UCP1: variants seen among roughly 807,000 people sequenced by gnomAD.
The protein encoded by UCP1 is uncoupling protein 1.
A neutral mutation model predicts 26.2 loss-of-function variants in UCP1; 24 were observed. The observed-to-expected ratio is 0.92, with a 90% CI of 0.66 to 1.29. The LOEUF (loss-of-function observed/expected upper bound fraction) is 1.29. UCP1 is among the 50% of genes most tolerant of loss of function. UCP1 has a pLI of 0.00. For synonymous variants in UCP1, 164 were observed against 156.8 expected (o/e 1.05, Z -0.34); for missense variants, 402 against 388.7 (o/e 1.03, Z -0.29).
At chr4:140,563,629 A>T (rs1436124686) in intron 2 of UCP1, 111 bp from the exon 3 acceptor site, 36 of 969,086 alleles carry the variant, frequency 3.7e-5, no homozygotes, top group African/African-American at 2.4e-4. Flanking sequence ...TTTTTTTGAG[A>T]TGGAGTCTTG....
chr4:140,562,455 A>G, intron 4 of UCP1, 82 bp from the exon 5 acceptor site: 1 of 1,399,328 alleles, frequency 7.1e-7, no homozygotes, highest in Non-Finnish European at 1.0e-6. Context: ...TTATAAACCT[A>G]TTGATAACAG....
Position 140,562,303 on chromosome 4 carries a change from CA to C in UCP1, c.698del (p.Val233GlyfsTer3). 1 of 1,614,074 alleles carries C rather than the reference CA, an allele frequency of 6.2e-7. No individual in the cohort carries two copies. Among genetic ancestry groups the C allele is most frequent in the Non-Finnish European group, 8.5e-7 (1 of 1,180,006 alleles). On this transcript the variant is annotated frameshift_variant, in exon 5 of 6. Transcript: ENST00000262999. LOFTEE classifies it high-confidence loss of function. The stretch of plus-strand genomic sequence containing the variant: ...TAATAAATCTGGTTTTTACTACATC[CA>C]CCGGGGAGGACATAGCTGTTGCGCA... ...GFCATAMSSPVDVVKTRFINS... is the reference protein window; with the variant it reads ...GFCATAMSSPXDVVKTRFINS...
In UCP1 at chr4:140,562,301, T is replaced by A. The variant is rs960414946; in HGVS notation, c.701A>T (p.Asp234Val). ...FCATAMSSPV[D>V]VVKTRFINSP... ...ATTAATAAATCTGGTTTTTACTACA[T>A]CCACCGGGGAGGACATAGCTGTTGC... Residue 234 changes from aspartate to valine, a missense_variant, in exon 5 of 6, where the codon GAT (aspartate) becomes GTT (valine). Physicochemically the swap from Asp to Val is radical, Grantham distance 152 (BLOSUM62 -3). Transcript: ENST00000262999. The A allele has an allele frequency of 1.9e-6, 3 of 1,614,062 alleles. No individual in the cohort carries two copies. Among genetic ancestry groups the A allele is most frequent in the Non-Finnish European group, 2.5e-6 (3 of 1,179,998 alleles).
chr4:140,567,980 G>A lies in UCP1; in HGVS notation c.127-3C>T, dbSNP rs757281042. 3.5e-5 allele frequency: 56 copies of A among 1,614,012 alleles called. No individual in the cohort carries two copies. The highest frequency in any genetic ancestry group is 4.7e-5 in the Non-Finnish European group (56 of 1,180,016). On this transcript the variant is annotated splice_polypyrimidine_tract_variant and splice_region_variant and intron_variant, in intron 1 of 5. Coordinates refer to ENST00000262999, the MANE Select transcript of UCP1 (RefSeq NM_021833.5). ...GACGTCGGGCATTCACCTTGGACCT[G>A]GAAATAAGAAAGGTGCAGAACAGAA...
Position 140,559,880 on chromosome 4 carries a change from A to T in UCP1, c.*16T>A, listed in dbSNP as rs776265056. 1 of 1,596,498 alleles carries T rather than the reference A, an allele frequency of 6.3e-7. No individual in the cohort carries two copies. Among genetic ancestry groups the T allele is most frequent in the South Asian group, 1.1e-5 (1 of 90,748 alleles). ...AAGATTCCCACTGGTATGTTACATCATTTTCTTGAAGCTGATTATGTGGCA... is the reference window on the plus strand; with the variant it reads ...AAGATTCCCACTGGTATGTTACATCTTTTTCTTGAAGCTGATTATGTGGCA... On this transcript the variant is annotated 3_prime_UTR_variant, in exon 6 of 6. Coordinates refer to ENST00000262999, the MANE Select transcript of UCP1 (RefSeq NM_021833.5).
At chr4:140,566,604 T>G (rs976081421) in intron 2 of UCP1, among the ~76,000 whole-genome samples, 1 of 152,238 alleles carries the variant, frequency 6.6e-6, no homozygotes, top group Non-Finnish European at 1.5e-5. Flanking sequence ...TATATTTGTA[T>G]AGACAACATT....
rs532718970 is a variant in UCP1 at position 140,562,385 on chromosome 4, C to T, written c.629-12G>A. 35 of 1,613,500 alleles carry T rather than the reference C, an allele frequency of 2.2e-5. 1 individual carries two copies. In the South Asian group the frequency reaches 3.0e-4, roughly 14 times the overall value. On this transcript the variant is annotated splice_polypyrimidine_tract_variant and intron_variant, in intron 4 of 5. Transcript: ENST00000262999. Reference sequence around the variant, plus strand: ...GCAGGGGACGTCATCTAAAATGGATCGATGAAACAGGTCAACATCAGACTT... The same window carrying T: ...GCAGGGGACGTCATCTAAAATGGATTGATGAAACAGGTCAACATCAGACTT...
chr4:140,568,706 G>A lies in UCP1; in HGVS notation c.24C>T (p.Asp8=), dbSNP rs374310489. 1 of 1,598,662 alleles carries A rather than the reference G, an allele frequency of 6.3e-7. No individual in the cohort carries two copies. The highest frequency in any genetic ancestry group is 1.3e-5 in the African/African-American group (1 of 74,910). The part of the protein sequence containing the change: MGGLTAS[D]VHPTLGVQLF... ...GCTGGACCCCCAGGGTCGGGTGTACGTCCGAGGCTGTCAGGCCCCCCATCT... is the reference window on the plus strand; with the variant it reads ...GCTGGACCCCCAGGGTCGGGTGTACATCCGAGGCTGTCAGGCCCCCCATCT... Residue 8 remains aspartate, a synonymous_variant, in exon 1 of 6, where the codon GAC becomes GAT. Transcript: ENST00000262999.
In UCP1 at chr4:140,562,203, A is replaced by G; in HGVS notation, c.799T>C (p.Phe267Leu). The stretch of plus-strand genomic sequence containing the variant: ...AAGATCATATCTTACCCCTTGAAGA[A>G]AGCCGTTGGTCCTTCGTTAGTGAAC... ...KVFTNEGPTA[F>L]FKGLVPSFLR... The change falls in exon 5 of 6, where the codon TTC becomes CTC. Residue 267 changes from phenylalanine (F) to leucine (L), a missense_variant. Transcript: ENST00000262999. The G allele has an allele frequency of 3.7e-6, 6 of 1,614,174 alleles. No individual in the cohort carries two copies. The highest frequency in any genetic ancestry group is 5.1e-6 in the Non-Finnish European group (6 of 1,180,004).
chr4:140,563,398 C>A lies in UCP1; in HGVS notation c.446G>T (p.Gly149Val). ...VRLQAQSHLHGIKPRYTGTYN... is the reference protein window; with the variant it reads ...VRLQAQSHLHVIKPRYTGTYN... ...AGTCCCCGTGTAGCGAGGTTTGATT[C>A]CGTGGAGATGGCTCTGTGCTTGAAG... Residue 149 changes from glycine (G) to valine (V), a missense_variant, in exon 3 of 6, where the codon GGA (glycine) becomes GTA (valine). Physicochemically the swap from Gly to Val is moderately radical, Grantham distance 109 (BLOSUM62 -3). Coordinates refer to ENST00000262999, the MANE Select transcript of UCP1 (RefSeq NM_021833.5). 1.2e-6 allele frequency: 2 copies of A among 1,614,040 alleles called. No homozygotes were observed. The highest frequency in any genetic ancestry group is 1.7e-6 in the Non-Finnish European group (2 of 1,180,004).
rs1489966515 is a variant in UCP1 at position 140,563,370 on chromosome 4, A to G, written c.474T>C (p.Tyr158=). ...TTGTTGCTATTATTCTGTACGCATT[A>G]TAAGTCCCCGTGTAGCGAGGTTTGA... The part of the protein sequence containing the change: ...HGIKPRYTGT[Y]NAYRIIATTE... Residue 158 remains tyrosine (Y), a synonymous_variant, in exon 3 of 6, where the codon TAT becomes TAC. Transcript: ENST00000262999. 5.6e-6 allele frequency: 9 copies of G among 1,614,184 alleles called. No individual in the cohort carries two copies. The highest frequency in any genetic ancestry group is 5.9e-6 in the Non-Finnish European group (7 of 1,180,034).
Position 140,562,184 on chromosome 4 carries a change from A to G in UCP1, c.809+9T>C, listed in dbSNP as rs142396002. The G allele has an allele frequency of 3.7e-6, 6 of 1,614,144 alleles. No homozygotes were observed. In the African/African-American group the frequency reaches 8.0e-5, roughly 22 times the overall value. ...GAACACATTACAGATACACAAGATC[A>G]TATCTTACCCCTTGAAGAAAGCCGT... On this transcript the variant is annotated intron_variant, in intron 5 of 5. Transcript: ENST00000262999.
At chr4:140,560,748 C>CA (rs5862487) in intron 5 of UCP1, among the ~76,000 whole-genome samples, 36,172 of 146,706 alleles carry the variant, frequency 0.25, 5,753 homozygotes, top group African/African-American at 0.46. Flanking sequence ...TATTTTGCTG[C>CA]AAAAAAAAAA....
rs933859787 is a variant in UCP1 at position 140,568,930 on chromosome 4, T to C, written c.-201A>G. ...TTGGGGGCCGAGTCCCCGCGTCCCC[T>C]CCTACCCACCCTCGCGCCAGCAGGA... On this transcript the variant is annotated 5_prime_UTR_variant, in exon 1 of 6. Coordinates refer to ENST00000262999, the MANE Select transcript of UCP1 (RefSeq NM_021833.5). The C allele has an allele frequency of 4.2e-6, 3 of 708,054 alleles. No individual in the cohort carries two copies. The African/African-American group carries it at 5.4e-5, about 13-fold the overall frequency. 43.9% of individuals were successfully genotyped at this position (708,054 alleles called of 1,614,324 possible). A position where few individuals can be genotyped will look rare whatever the true frequency, so the allele number is the denominator to read the frequency against.
Position 140,563,151 on chromosome 4 carries a change from T to A in UCP1, c.587A>T (p.Asp196Val). The A allele has an allele frequency of 6.2e-7, 1 of 1,613,872 alleles. No individual in the cohort carries two copies. Among genetic ancestry groups the A allele is most frequent in the South Asian group, 1.1e-5 (1 of 91,072 alleles). The change falls in exon 4 of 6, where the codon GAT (aspartate) becomes GTT (valine). Residue 196 changes from aspartate to valine, a missense_variant. Transcript: ENST00000262999. Reference protein sequence around the residue: ...IINCTELVTYDLMKEAFVKNN... With the variant: ...IINCTELVTYVLMKEAFVKNN... ...TTTCACAAAGGCCTCCTTCATTAGA[T>A]CATATGTTACTAGCTCTGTACAATT...
At chr4:140,560,557 C>G (rs1735654342) in intron 5 of UCP1, among the ~76,000 whole-genome samples, 1 of 151,938 alleles carries the variant, frequency 6.6e-6, no homozygotes, top group Non-Finnish European at 1.5e-5. Flanking sequence ...GAAGAGAAAC[C>G]AAAGAAGTAT....
Position 140,568,827 on chromosome 4 carries a change from C to T in UCP1, c.-98G>A, listed in dbSNP as rs1735869985. On this transcript the variant is annotated 5_prime_UTR_variant, in exon 1 of 6. Transcript: ENST00000262999. The stretch of plus-strand genomic sequence containing the variant: ...CTCTTCACGCCTGTCCGCCGGGCAG[C>T]AAACCCGATTTCTGTTTTTTGAACC... The T allele has an allele frequency of 2.0e-6, 3 of 1,521,814 alleles. No homozygotes were observed. Among genetic ancestry groups the T allele is most frequent in the South Asian group, 2.4e-5 (2 of 83,576 alleles). 94.3% of individuals were successfully genotyped at this position (1,521,814 alleles called of 1,614,324 possible).
rs1480698146 is a variant in UCP1 at position 140,559,671 on chromosome 4, G to A, written c.*225C>T. ...GCTTATCTGCATTACATTTGCCAGG[G>A]TATATGCTGAATGTTTTGCTTTCCC... On this transcript the variant is annotated 3_prime_UTR_variant, in exon 6 of 6. Coordinates refer to ENST00000262999, the MANE Select transcript of UCP1 (RefSeq NM_021833.5). The A allele has an allele frequency of 3.6e-6, 2 of 558,678 alleles. No individual in the cohort carries two copies. Among genetic ancestry groups the A allele is most frequent in the African/African-American group, 1.9e-5 (1 of 52,666 alleles). The allele number at this position is 558,678 out of a possible 1,614,324, so 34.6% of individuals were successfully genotyped here. A position where few individuals can be genotyped will look rare whatever the true frequency, so the allele number is the denominator to read the frequency against.
chr4:140,560,047 TGA>T, intron 5 of UCP1, 37 bp from the exon 6 acceptor site: 1 of 1,575,474 alleles, frequency 6.3e-7, no homozygotes, highest in Non-Finnish European at 8.7e-7. Flanking sequence ...TTAATTTGTT[TGA>T]TTTTTTTTTT....
Sources: allele counts gnomAD v4.1 joint callset (sites outside exome capture counted in the v4.1 genomes callset), GRCh38; gene constraint gnomAD v4.1.1; transcripts MANE v1.5; gene names NCBI Gene and HGNC (gene_info 2026-07-23, HGNC 2026-07-21).